Variants in SHISA9 observed in about 807,000 individuals in gnomAD.
SHISA9 encodes protein shisa-9.
SHISA9 carries 13 observed loss-of-function variants against 38.0 expected under a neutral mutation model. That is an observed-to-expected ratio of 0.34 (90% CI 0.22 to 0.54). The LOEUF is 0.54. Ranked by LOEUF, SHISA9 falls within the 20% of genes least tolerant of loss-of-function variation. The pLI is 0.91. For synonymous variants in SHISA9, 275 were observed against 242.0 expected (o/e 1.14, Z -1.27); for missense variants, 538 against 575.8 (o/e 0.93, Z 0.67).
chr16:13,540,913 G>C, the SHISA9 span, among the ~76,000 whole-genome samples: 6 of 152,244 alleles, frequency 3.9e-5, no homozygotes, highest in East Asian at 1.2e-3. Flanking sequence ...CTGTGGCTTT[G>C]ATCCCCAACC....
At chr16:13,112,979 G>C (rs1356180624) in intron 2 of SHISA9, among the ~76,000 whole-genome samples, 1 of 152,100 alleles carries the variant, frequency 6.6e-6, no homozygotes, top group East Asian at 1.9e-4. Context: ...GGAGGCCAAG[G>C]CAGGCAGATC....
intron 2 of SHISA9, among the ~76,000 whole-genome samples, chr16:12,924,464 G>T (rs905481662): frequency 3.3e-5 from 5 of 152,148 alleles, no homozygotes; most frequent in Non-Finnish European, 5.9e-5. Context: ...GTGAAGGTTT[G>T]ATTCTTTTCT....
intron 2 of SHISA9, among the ~76,000 whole-genome samples, chr16:13,004,435 A>C (rs933044552): frequency 6.6e-6 from 1 of 152,196 alleles, no homozygotes; most frequent in African/African-American, 2.4e-5. Context: ...CTTTTTGAGC[A>C]AGGGTAAGGA....
intron 4 of SHISA9, among the ~76,000 whole-genome samples, chr16:13,228,195 T>G (rs1413660254): frequency 6.6e-6 from 1 of 152,206 alleles, no homozygotes; most frequent in Non-Finnish European, 1.5e-5. Flanking sequence ...GACTTTCTTT[T>G]TCACTCCACT....
intron 2 of SHISA9, among the ~76,000 whole-genome samples, chr16:13,153,413 G>C (rs1049041130): frequency 6.6e-6 from 1 of 152,180 alleles, no homozygotes; most frequent in Non-Finnish European, 1.5e-5. Flanking sequence ...TAGTTCCAAG[G>C]CCTAGCTCAG....
the SHISA9 span, among the ~76,000 whole-genome samples, chr16:13,353,243 A>G: frequency 1.3e-5 from 2 of 152,190 alleles, no homozygotes; most frequent in Non-Finnish European, 2.9e-5. Flanking sequence ...GTTGTTGTAT[A>G]GAATGATTGG....
chr16:13,041,146 G>T (rs2073127656), intron 2 of SHISA9, among the ~76,000 whole-genome samples: 1 of 152,188 alleles, frequency 6.6e-6, no homozygotes, highest in Admixed American at 6.5e-5. Flanking sequence ...CTCAGAGCTG[G>T]ATGTGTTGTG....
the SHISA9 span, among the ~76,000 whole-genome samples, chr16:13,451,464 C>T: frequency 6.6e-6 from 1 of 152,152 alleles, no homozygotes; most frequent in Non-Finnish European, 1.5e-5. Context: ...AATTATAGAT[C>T]CTCAAATTCA....
chr16:13,504,275 C>T, the SHISA9 span, among the ~76,000 whole-genome samples: 1 of 152,116 alleles, frequency 6.6e-6, no homozygotes, highest in Admixed American at 6.5e-5. Context: ...TTAGGATATA[C>T]AAGAGAGAAT....
the SHISA9 span, among the ~76,000 whole-genome samples, chr16:13,279,405 C>T: frequency 3.5e-4 from 53 of 151,994 alleles, no homozygotes; most frequent in African/African-American, 1.3e-3. Flanking sequence ...TCTGTTATGT[C>T]CATTTGTTCC....
rs558033261 is a variant in SHISA9 at position 13,224,135 on chromosome 16, C to G, written c.895+10835C>G. The stretch of plus-strand genomic sequence containing the variant: ...TGAAGGCAGTAGCATAGAACACACA[C>G]TTAAGAAAGGTGAGCAATTACTCAG... On this transcript the variant is annotated intron_variant, in intron 4 of 4. Transcript: ENST00000558583. Among the ~76,000 whole-genome samples the G allele has an allele frequency of 1.2e-4, 19 of 152,324 alleles. No individual in the cohort carries two copies. In the South Asian group the frequency reaches 1.7e-3, roughly 13 times the overall value.
the SHISA9 span, among the ~76,000 whole-genome samples, chr16:13,472,315 T>C: frequency 6.6e-6 from 1 of 151,702 alleles, no homozygotes; most frequent in Non-Finnish European, 1.5e-5. Flanking sequence ...GGAATCCAAT[T>C]AAGCATATAT....
the SHISA9 span, among the ~76,000 whole-genome samples, chr16:13,391,517 C>G: frequency 5.9e-5 from 9 of 152,304 alleles, no homozygotes; most frequent in East Asian, 1.5e-3. Context: ...GCCGTGCCAT[C>G]TGCAGTCAAT....
chr16:13,289,541 CA>C, the SHISA9 span, among the ~76,000 whole-genome samples: 7 of 147,264 alleles, frequency 4.8e-5, no homozygotes, highest in East Asian at 2.0e-4. Context: ...AAACAGAAAA[CA>C]AAAAAAAACC....
intron 2 of SHISA9, among the ~76,000 whole-genome samples, chr16:13,170,202 CA>C (rs71147788): frequency 0.45 from 40,892 of 91,774 alleles, 5,916 homozygotes; most frequent in Non-Finnish European, 0.49. Context: ...GACTCCATCT[CA>C]AAAAAAAAAA....
chr16:13,140,121 C>A (rs2050387359), intron 2 of SHISA9, among the ~76,000 whole-genome samples: 1 of 56,690 alleles, frequency 1.8e-5, no homozygotes, highest in Non-Finnish European at 3.8e-5. Flanking sequence ...CTTCCCTTCC[C>A]TTCCCTTCCC....
intron 2 of SHISA9, among the ~76,000 whole-genome samples, chr16:12,938,371 T>C (rs1321303747): frequency 1.3e-5 from 2 of 152,202 alleles, no homozygotes; most frequent in Non-Finnish European, 2.9e-5. Context: ...AAGGCAAAGC[T>C]CAGCTCCTTA....
chr16:13,380,558 A>G, the SHISA9 span, among the ~76,000 whole-genome samples: 1 of 152,190 alleles, frequency 6.6e-6, no homozygotes, highest in Non-Finnish European at 1.5e-5. Context: ...GGGAGCCTAG[A>G]TTTTTTCTTC....
intron 2 of SHISA9, among the ~76,000 whole-genome samples, chr16:13,036,696 C>A (rs371577548): frequency 6.3e-4 from 96 of 151,584 alleles, no homozygotes; most frequent in African/African-American, 2.3e-3. Context: ...TTATGAATTT[C>A]TGGAGAATGA....
Sources: allele counts gnomAD v4.1 joint callset (sites outside exome capture counted in the v4.1 genomes callset), GRCh38; gene constraint gnomAD v4.1.1; transcripts MANE v1.5; gene names NCBI Gene and HGNC (gene_info 2026-07-23, HGNC 2026-07-21).